ENPP2: variants seen among roughly 807,000 people sequenced by gnomAD.
The protein encoded by ENPP2 is ectonucleotide pyrophosphatase/phosphodiesterase 2, also known as autotaxin.
Under a neutral mutation model 120.2 loss-of-function variants are expected in ENPP2, and 51 were observed. The ratio of observed to expected loss-of-function variants is 0.42; its 90% CI spans 0.34 to 0.54. ENPP2 has a LOEUF of 0.54. Among genes scored for constraint, ENPP2 ranks in the 20% least tolerant of loss-of-function variants. The probability of loss-of-function intolerance (pLI) is 0.04; values close to 1 mark genes in which losing one functional copy is unlikely to be tolerated. For synonymous variants in ENPP2, 365 were observed against 366.4 expected, an observed-to-expected ratio of 1.00 and a Z score of 0.04; for missense variants, 920 against 1,066.5, an observed-to-expected ratio of 0.86 and a Z score of 1.91.
In ENPP2 at chr8:119,601,396, C is replaced by A; in HGVS notation, c.899+1G>T. Reference sequence around the variant, plus strand: ...GAAAGAAGAAAGAGAGAAATAAATACCTCTCATGATCTGGCAGGGTGAGCC... The same window carrying A: ...GAAAGAAGAAAGAGAGAAATAAATAACTCTCATGATCTGGCAGGGTGAGCC... On this transcript the variant is annotated splice_donor_variant, in intron 10 of 24. Transcript: ENST00000075322. LOFTEE classifies it high-confidence loss of function. The A allele has an allele frequency of 6.3e-7, 1 of 1,575,990 alleles. No individual in the cohort carries two copies. The highest frequency in any genetic ancestry group is 1.1e-5 in the South Asian group (1 of 90,216).
At chr8:119,559,246 G>A (rs1255962955) in intron 24 of ENPP2, among the ~76,000 whole-genome samples, 2 of 152,128 alleles carry the variant, frequency 1.3e-5, no homozygotes, top group African/African-American at 2.4e-5. Context: ...CCCCCTCAGA[G>A]TAAGCAGGGC....
At chr8:119,618,492 G>A (rs1383412440) in intron 5 of ENPP2, 1 of 369,676 alleles carries the variant, frequency 2.7e-6, no homozygotes, top group African/African-American at 2.1e-5. Context: ...TCTCTCTTTG[G>A]TTGCTGGTGC....
Position 119,649,616 on chromosome 8 carries a change from G to A in ENPP2, c.22-11089C>T, listed in dbSNP as rs138376665. 3.9e-3 allele frequency among the ~76,000 whole-genome samples: 586 copies of A among 152,184 alleles called. 4 individuals carry two copies. The highest frequency in any genetic ancestry group is 0.013 in the African/African-American group (547 of 41,510). ...TGTCAATATGGCAAGAAAGTGAAAC[G>A]ATGACCTACGGGTTGGAAGAAAATA... On this transcript the variant is annotated intron_variant, in intron 1 of 25. Coordinates refer to the ENPP2 transcript ENST00000427067.
Position 119,568,249 on chromosome 8 carries a change from A to T in ENPP2, c.2057T>A (p.Leu686Gln). ...MSYGFLFPPY[L>Q]SSSPEAKYDA... The stretch of plus-strand genomic sequence containing the variant: ...ATATTTAGCCTCTGGTGAAGAGCTC[A>T]GATCTAAACATTAGGAAAACAAATA... Residue 686 changes from leucine (L) to glutamine (Q), a missense_variant, in exon 22 of 25, where the codon CTG becomes CAG. Transcript: ENST00000075322. 6.4e-7 allele frequency: 1 copy of T among 1,568,238 alleles called. No individual in the cohort carries two copies. The highest frequency in any genetic ancestry group is 8.8e-7 in the Non-Finnish European group (1 of 1,139,876).
intron 15 of ENPP2, among the ~76,000 whole-genome samples, chr8:119,585,234 T>A (rs1171322695): frequency 1.3e-5 from 2 of 152,232 alleles, no homozygotes; most frequent in African/African-American, 2.4e-5. Context: ...ACAACTGTTT[T>A]AGAAGACTCC....
intron 19 of ENPP2, chr8:119,571,860 T>A (rs1744499031): frequency 4.7e-6 from 1 of 210,962 alleles, no homozygotes; most frequent in South Asian, 1.5e-4. Flanking sequence ...TACCATTCTA[T>A]GCAAGTAATG....
intron 2 of ENPP2, among the ~76,000 whole-genome samples, chr8:119,628,219 G>C (rs565485115): frequency 7.2e-5 from 11 of 152,202 alleles, no homozygotes; most frequent in South Asian, 6.2e-4. Context: ...AAATAATTAA[G>C]TTAGGGTCTC....
At chr8:119,651,535 A>G (rs1817624983) in intron 1 of ENPP2, among the ~76,000 whole-genome samples, 1 of 152,228 alleles carries the variant, frequency 6.6e-6, no homozygotes, top group Non-Finnish European at 1.5e-5. Context: ...TAAGAATTAC[A>G]AAACTGGGAA....
chr8:119,629,330 T>A (rs1263511810), intron 2 of ENPP2, among the ~76,000 whole-genome samples: 1 of 152,202 alleles, frequency 6.6e-6, no homozygotes, highest in East Asian at 1.9e-4. Flanking sequence ...ATGCGATTTA[T>A]AATTTTATTT....
chr8:119,590,379 G>A (rs1474719951), intron 13 of ENPP2, 126 bp downstream of exon 13: 3 of 611,958 alleles, frequency 4.9e-6, no homozygotes, highest in Non-Finnish European at 8.0e-6. Flanking sequence ...ACTTATTTAA[G>A]GTCACTCAGC....
At chr8:119,669,353 G>A (rs1451904923) in intron 1 of ENPP2, among the ~76,000 whole-genome samples, 1 of 152,150 alleles carries the variant, frequency 6.6e-6, no homozygotes, top group Non-Finnish European at 1.5e-5. Context: ...CCATGTTTCA[G>A]GTGCATTCAC....
At chr8:119,592,559 C>T (rs1250738479) in intron 12 of ENPP2, among the ~76,000 whole-genome samples, 1 of 150,564 alleles carries the variant, frequency 6.6e-6, no homozygotes, top group Non-Finnish European at 1.5e-5. Flanking sequence ...TGGAAGCCTA[C>T]ACACTGACAA....
chr8:119,626,750 A>T, intron 2 of ENPP2, 30 bp from the exon 3 acceptor site: 1 of 1,609,218 alleles, frequency 6.2e-7, no homozygotes, highest in Non-Finnish European at 8.5e-7. Flanking sequence ...AAAACAATGG[A>T]CTGGAGAGTG....
chr8:119,652,328 T>A (rs1817650424), intron 1 of ENPP2, among the ~76,000 whole-genome samples: 1 of 152,166 alleles, frequency 6.6e-6, no homozygotes, highest in Non-Finnish European at 1.5e-5. Flanking sequence ...GATTTCAACG[T>A]ATGAATTTGG....
chr8:119,603,420 G>T (rs1374101), intron 9 of ENPP2, among the ~76,000 whole-genome samples: 1 of 151,902 alleles, frequency 6.6e-6, no homozygotes, highest in South Asian at 2.1e-4. Flanking sequence ...GAATGCCCTC[G>T]TTGGATGGGG....
chr8:119,658,454 G>A (rs1484582587), intron 1 of ENPP2, among the ~76,000 whole-genome samples: 2 of 152,192 alleles, frequency 1.3e-5, no homozygotes, highest in South Asian at 2.1e-4. Context: ...ATTTTTTGTA[G>A]AGAAGAGGTT....
chr8:119,653,710 A>G (rs1211925471), intron 1 of ENPP2, among the ~76,000 whole-genome samples: 2 of 152,122 alleles, frequency 1.3e-5, no homozygotes, highest in African/African-American at 2.4e-5. Context: ...ATGAAAAGCC[A>G]CTGGAGGGAT....
At chr8:119,588,907 A>C (rs551106191) in intron 13 of ENPP2, among the ~76,000 whole-genome samples, 1 of 152,316 alleles carries the variant, frequency 6.6e-6, no homozygotes, top group East Asian at 1.9e-4. Context: ...AAGAAAGGGC[A>C]GTGGTTCAGC....
At chr8:119,577,459 C>T (rs1263329841) in intron 19 of ENPP2, among the ~76,000 whole-genome samples, 21 of 152,238 alleles carry the variant, frequency 1.4e-4, no homozygotes, top group Admixed American at 1.2e-3. Flanking sequence ...AAGAAAACAT[C>T]GCTTTGCCAC....
Sources: allele counts gnomAD v4.1 joint callset (sites outside exome capture counted in the v4.1 genomes callset), GRCh38; gene constraint gnomAD v4.1.1; transcripts MANE v1.5; gene names NCBI Gene and HGNC (gene_info 2026-07-23, HGNC 2026-07-21).